The following TSHZ3 variants were observed in gnomAD, a reference collection of about 807,000 sequenced individuals.
TSHZ3 encodes the protein teashirt zinc finger homeobox 3, also known as teashirt homolog 3.
Under a neutral mutation model 64.5 loss-of-function variants are expected in TSHZ3, and 10 were observed. The observed-to-expected ratio is 0.16, with a 90% CI of 0.10 to 0.26. TSHZ3 has a LOEUF of 0.26. TSHZ3 is among the 10% of genes least tolerant of loss of function. TSHZ3 has a pLI of 1.00. For missense variants in TSHZ3, 1,242 were observed against 1,421.7 expected (o/e 0.87, Z 2.03); for synonymous variants, 608 against 593.1 (o/e 1.03, Z -0.36).
chr19:31,345,958 C>T (rs2145203377), intron 1 of TSHZ3, among the ~76,000 whole-genome samples: 1 of 152,264 alleles, frequency 6.6e-6, no homozygotes, highest in South Asian at 2.1e-4. Context: ...CACAAATGCA[C>T]ACCCCCTGGA....
chr19:31,306,413 T>C (rs1040893664), intron 1 of TSHZ3, among the ~76,000 whole-genome samples: 3 of 152,354 alleles, frequency 2.0e-5, no homozygotes, highest in Middle Eastern at 6.8e-3. Flanking sequence ...TACTTAAAGA[T>C]ACAGTTAATG....
At chr19:31,177,702 C>A (rs1974632634) in intron 5 of TSHZ3, among the ~76,000 whole-genome samples, 1 of 152,200 alleles carries the variant, frequency 6.6e-6, no homozygotes, top group African/African-American at 2.4e-5. Context: ...GCAAATAGAT[C>A]TTTGGGGGTT....
At chr19:31,170,775 TA>T (rs1417373640) in intron 5 of TSHZ3, among the ~76,000 whole-genome samples, 1 of 152,232 alleles carries the variant, frequency 6.6e-6, no homozygotes, top group Non-Finnish European at 1.5e-5. Context: ...TTTTTGTTGT[TA>T]AAAGAAATTT....
upstream of TSHZ3, among the ~76,000 whole-genome samples, chr19:31,350,142 G>A (rs1218106392): frequency 1.4e-5 from 2 of 145,608 alleles, no homozygotes; most frequent in Non-Finnish European, 3.0e-5. Context: ...AGCCCCCAGC[G>A]TGGTCCCCGG....
intron 1 of TSHZ3, among the ~76,000 whole-genome samples, chr19:31,317,504 A>G (rs2145162342): frequency 6.6e-6 from 1 of 152,290 alleles, no homozygotes; most frequent in South Asian, 2.1e-4. Context: ...CCCCAAATTT[A>G]CTGCCACACT....
intron 5 of TSHZ3, among the ~76,000 whole-genome samples, chr19:31,201,953 G>A (rs1975093461): frequency 6.6e-6 from 1 of 152,122 alleles, no homozygotes; most frequent in Admixed American, 6.5e-5. Flanking sequence ...GATCACCTGA[G>A]GATGGGAGTT....
At chr19:31,334,856 C>T (rs761412793) in intron 1 of TSHZ3, among the ~76,000 whole-genome samples, 1 of 152,128 alleles carries the variant, frequency 6.6e-6, no homozygotes, top group African/African-American at 2.4e-5. Context: ...GACGGAGATG[C>T]TGAAATCCTG....
chr19:31,174,784 C>A (rs750610007), intron 5 of TSHZ3, among the ~76,000 whole-genome samples: 11 of 152,066 alleles, frequency 7.2e-5, no homozygotes, highest in Non-Finnish European at 1.5e-4. Context: ...GGAGAGGGTA[C>A]TTGATGAGAA....
At chr19:31,207,639 C>A (rs568943055) in intron 4 of TSHZ3, 1 of 152,122 alleles carries the variant, frequency 6.6e-6, no homozygotes, top group African/African-American at 2.4e-5. Context: ...TGTAATAAAA[C>A]CACAAATTGA....
At chr19:31,344,838 C>A (rs777476753) in intron 1 of TSHZ3, among the ~76,000 whole-genome samples, 49 of 152,194 alleles carry the variant, frequency 3.2e-4, no homozygotes, top group Non-Finnish European at 6.2e-4. Flanking sequence ...CTTGACAAAA[C>A]AATCTTTAGC....
chr19:31,350,388 T>A (rs2021683217), upstream of TSHZ3, among the ~76,000 whole-genome samples: 1 of 150,864 alleles, frequency 6.6e-6, no homozygotes, highest in Non-Finnish European at 1.5e-5. Flanking sequence ...CTCCTGACTT[T>A]GGGATGATCA....
At chr19:31,267,094 C>T (rs937389817) in intron 1 of TSHZ3, among the ~76,000 whole-genome samples, 7 of 152,230 alleles carry the variant, frequency 4.6e-5, no homozygotes, top group African/African-American at 1.7e-4. Flanking sequence ...TTGTGGACTA[C>T]ATACATGTCT....
chr19:31,224,846 G>T (rs1452353662), intron 4 of TSHZ3, among the ~76,000 whole-genome samples: 5 of 152,184 alleles, frequency 3.3e-5, no homozygotes, highest in Admixed American at 3.3e-4. Flanking sequence ...ATCAAGAAAA[G>T]ACATTGTGCT....
intron 5 of TSHZ3, among the ~76,000 whole-genome samples, chr19:31,191,721 T>A (rs1974910652): frequency 6.6e-6 from 1 of 151,790 alleles, no homozygotes; most frequent in African/African-American, 2.4e-5. Context: ...TAGCCGGGCA[T>A]GGTGGCACGT....
intron 5 of TSHZ3, among the ~76,000 whole-genome samples, chr19:31,186,936 T>C (rs1974819608): frequency 6.6e-6 from 1 of 150,894 alleles, no homozygotes. Flanking sequence ...TTATATATTC[T>C]GAAGACCAGT....
chr19:31,272,413 C>T (rs187520829), downstream of TSHZ3, among the ~76,000 whole-genome samples: 10 of 152,050 alleles, frequency 6.6e-5, no homozygotes, highest in East Asian at 1.9e-4. Flanking sequence ...TCTGTCTGAG[C>T]GCAGGGCAGA....
At chr19:31,185,597 T>C (rs1173686031) in intron 5 of TSHZ3, among the ~76,000 whole-genome samples, 1 of 152,202 alleles carries the variant, frequency 6.6e-6, no homozygotes, top group Non-Finnish European at 1.5e-5. Flanking sequence ...TGTGTGTCTA[T>C]TTGTTACATG....
At chr19:31,215,673 C>A (rs1975317016) in intron 4 of TSHZ3, among the ~76,000 whole-genome samples, 1 of 152,108 alleles carries the variant, frequency 6.6e-6, no homozygotes, top group South Asian at 2.1e-4. Flanking sequence ...GAGTTCAAGA[C>A]CAGCCTGACC....
chr19:31,348,693 A>C (rs931887211), intron 1 of TSHZ3, among the ~76,000 whole-genome samples: 1 of 152,346 alleles, frequency 6.6e-6, no homozygotes, highest in South Asian at 2.1e-4. Context: ...TTTGGGCCCA[A>C]GAAATGAGGA....
Sources: allele counts gnomAD v4.1 joint callset (sites outside exome capture counted in the v4.1 genomes callset), GRCh38; gene constraint gnomAD v4.1.1; transcripts MANE v1.5; gene names NCBI Gene and HGNC (gene_info 2026-07-23, HGNC 2026-07-21).